The following CHIA variants were observed in gnomAD, a reference collection of about 807,000 sequenced individuals.
CHIA encodes the protein acidic mammalian chitinase.
A neutral mutation model predicts 53.5 loss-of-function variants in CHIA; 47 were observed. The ratio of observed to expected loss-of-function variants is 0.88; its 90% CI spans 0.70 to 1.12. The LOEUF (loss-of-function observed/expected upper bound fraction) is 1.12, where lower values mean the gene tolerates loss of function less well. CHIA is among the 50% of genes most tolerant of loss of function. The pLI is 0.00. For missense variants in CHIA, 652 were observed against 592.2 expected (o/e 1.10, Z -1.05); for synonymous variants, 268 against 222.2 (o/e 1.21, Z -1.83).
chr1:111,318,196 A>C, intron 8 of CHIA, 87 bp downstream of exon 8: 1 of 1,318,968 alleles, frequency 7.6e-7, no homozygotes, highest in South Asian at 1.4e-5. Flanking sequence ...TCATAAGTTT[A>C]GTGGTTTTCT....
chr1:111,318,139 C>T (rs751793626), intron 8 of CHIA, 30 bp downstream of exon 8: 12 of 1,533,154 alleles, frequency 7.8e-6, no homozygotes, highest in Non-Finnish European at 9.0e-6. Flanking sequence ...CAAGAGCAGA[C>T]CAGAGATGAT....
intron 2 of CHIA, 136 bp from the exon 3 acceptor site, chr1:111,311,553 G>A: frequency 1.1e-6 from 1 of 946,424 alleles, no homozygotes; most frequent in Non-Finnish European, 1.7e-6. Context: ...TCACTGAAAA[G>A]CCTTTGGAAT....
intron 5 of CHIA, chr1:111,314,931 G>A (rs1649024730): frequency 5.2e-6 from 2 of 381,482 alleles, no homozygotes; most frequent in African/African-American, 2.1e-5. Flanking sequence ...GGTGGGGGGA[G>A]GAATGAGAAA....
intron 2 of CHIA, 35 bp from the exon 3 acceptor site, chr1:111,311,654 T>A: frequency 6.2e-7 from 1 of 1,613,084 alleles, no homozygotes; most frequent in Non-Finnish European, 8.5e-7. Context: ...GTACAGACAA[T>A]CGGTTCAAAG....
intron 7 of CHIA, 22 bp from the exon 8 acceptor site, chr1:111,317,964 T>C (rs753342893): frequency 4.2e-5 from 68 of 1,613,866 alleles, no homozygotes; most frequent in Non-Finnish European, 5.4e-5. Flanking sequence ...AGAATGATTT[T>C]AAATCCTCCA....
At chr1:111,299,731 C>G (rs1647545863) in intron 1 of CHIA, among the ~76,000 whole-genome samples, 1 of 152,166 alleles carries the variant, frequency 6.6e-6, no homozygotes, top group Admixed American at 6.5e-5. Flanking sequence ...GTTTGAAGTT[C>G]TGGCCAGGGC....
chr1:111,316,043 G>T (rs1462091925), intron 6 of CHIA: 2 of 313,662 alleles, frequency 6.4e-6, no homozygotes, highest in Admixed American at 8.4e-5. Context: ...CAAGGAAAGA[G>T]GGTAACTAAT....
intron 4 of CHIA, among the ~76,000 whole-genome samples, chr1:111,312,746 T>C (rs900523776): frequency 6.6e-6 from 1 of 152,176 alleles, no homozygotes; most frequent in Non-Finnish European, 1.5e-5. Context: ...CTGCAACTTA[T>C]TCCTCATTTC....
chr1:111,306,059 CTT>C (rs758210985), intron 1 of CHIA, among the ~76,000 whole-genome samples: 3 of 152,248 alleles, frequency 2.0e-5, no homozygotes, highest in Admixed American at 1.3e-4. Context: ...AGTTATGAAA[CTT>C]TATTAACAGA....
rs1401681933 is a variant in CHIA at position 111,318,059 on chromosome 1, C to A, written c.679C>A (p.Pro227Thr). The change falls in exon 8 of 12, where the codon CCC becomes ACC. Residue 227 changes from proline (P) to threonine (T), a missense_variant. Physicochemically the swap from Pro to Thr is conservative, Grantham distance 38. Coordinates refer to ENST00000369740, the MANE Select transcript of CHIA (RefSeq NM_201653.4). Reference sequence around the variant, plus strand: ...GGAGGGCTACACTGGAGAGAACAGCCCCCTCTACAAATACCCGACTGACAC... The same window carrying A: ...GGAGGGCTACACTGGAGAGAACAGCACCCTCTACAAATACCCGACTGACAC... ...SWEGYTGENS[P>T]LYKYPTDTGS... 1.2e-6 allele frequency: 2 copies of A among 1,613,778 alleles called. No homozygotes were observed. Among genetic ancestry groups the A allele is most frequent in the South Asian group, 1.1e-5 (1 of 91,060 alleles).
At chr1:111,313,223 A>G (rs1357293017) in intron 4 of CHIA, among the ~76,000 whole-genome samples, 1 of 152,200 alleles carries the variant, frequency 6.6e-6, no homozygotes, top group African/African-American at 2.4e-5. Flanking sequence ...TTTGAGGAAC[A>G]TCTATACTAT....
chr1:111,315,216 C>G, intron 5 of CHIA, 54 bp from the exon 6 acceptor site: 4 of 1,372,310 alleles, frequency 2.9e-6, no homozygotes, highest in Non-Finnish European at 3.1e-6. Context: ...TGATTTTACT[C>G]CAAGGTGTTG....
chr1:111,318,422 A>G (rs958605895), intron 8 of CHIA, 71 bp from the exon 9 acceptor site: 2 of 1,271,460 alleles, frequency 1.6e-6, no homozygotes, highest in Non-Finnish European at 2.2e-6. Flanking sequence ...CTGTCGGAAT[A>G]GGGGACTAAT....
At chr1:111,297,429 T>A (rs1416643599) in intron 1 of CHIA, among the ~76,000 whole-genome samples, 1 of 152,180 alleles carries the variant, frequency 6.6e-6, no homozygotes, top group African/African-American at 2.4e-5. Flanking sequence ...TTCAACATTC[T>A]TAAATAAAAG....
intron 9 of CHIA, 28 bp downstream of exon 9, chr1:111,318,706 T>A: frequency 1.9e-6 from 3 of 1,597,882 alleles, no homozygotes; most frequent in Non-Finnish European, 2.6e-6. Context: ...AAAAGTGCTC[T>A]GTGAATTCCG....
intron 2 of CHIA, among the ~76,000 whole-genome samples, chr1:111,311,146 T>C (rs1333095517): frequency 6.6e-6 from 1 of 152,206 alleles, no homozygotes; most frequent in Middle Eastern, 3.2e-3. Flanking sequence ...CAAGCTCAAT[T>C]TATAAAACAA....
chr1:111,304,103 G>T (rs903485770), intron 1 of CHIA, among the ~76,000 whole-genome samples: 12 of 152,172 alleles, frequency 7.9e-5, no homozygotes, highest in Non-Finnish European at 1.3e-4. Flanking sequence ...GAGATCTGCT[G>T]ATAATTTTAT....
chr1:111,298,530 T>A (rs1647408523), intron 1 of CHIA, among the ~76,000 whole-genome samples: 1 of 152,210 alleles, frequency 6.6e-6, no homozygotes, highest in Admixed American at 6.5e-5. Flanking sequence ...GATATAAAGA[T>A]GTTCTTTGAA....
At chr1:111,309,065 A>C (rs1648455724) in intron 1 of CHIA, among the ~76,000 whole-genome samples, 1 of 152,174 alleles carries the variant, frequency 6.6e-6, no homozygotes, top group South Asian at 2.1e-4. Context: ...AAAATAGCTA[A>C]CGCATGCTGG....
Sources: allele counts gnomAD v4.1 joint callset (sites outside exome capture counted in the v4.1 genomes callset), GRCh38; gene constraint gnomAD v4.1.1; transcripts MANE v1.5; gene names NCBI Gene and HGNC (gene_info 2026-07-23, HGNC 2026-07-21).